RCBTB2: variants seen among roughly 807,000 people sequenced by gnomAD.
RCBTB2 encodes RCC1 and BTB domain containing protein 2, also known as RCC1 and BTB domain-containing protein 2.
In RCBTB2, 55 loss-of-function variants were observed where a neutral mutation model predicts 65.4. That is an observed-to-expected ratio of 0.84 (90% CI 0.68 to 1.05). The LOEUF is 1.05. RCBTB2 is among the 50% of genes least tolerant of loss of function. The probability of loss-of-function intolerance (pLI) is 0.00; values close to 1 mark genes in which losing one functional copy is unlikely to be tolerated. For synonymous variants in RCBTB2, 220 were observed against 255.2 expected, an observed-to-expected ratio of 0.86 and a Z score of 1.31; for missense variants, 599 against 680.1, an observed-to-expected ratio of 0.88 and a Z score of 1.33.
At chr13:48,503,651 C>T (rs1213810473) in intron 10 of RCBTB2, among the ~76,000 whole-genome samples, 2 of 152,094 alleles carry the variant, frequency 1.3e-5, no homozygotes, top group African/African-American at 2.4e-5. Context: ...CAGGCTCAAG[C>T]GATCCTCCTA....
intron 14 of RCBTB2, 95 bp downstream of exon 14, chr13:48,496,096 C>T (rs1949954108): frequency 8.4e-7 from 1 of 1,187,048 alleles, no homozygotes; most frequent in Non-Finnish European, 1.1e-6. Flanking sequence ...TTAAATATTT[C>T]CTCTACCCAG....
intron 13 of RCBTB2, among the ~76,000 whole-genome samples, chr13:48,499,127 C>A (rs1950109775): frequency 6.8e-6 from 1 of 147,522 alleles, no homozygotes; most frequent in Admixed American, 6.7e-5. Flanking sequence ...CACACACACA[C>A]ACACACACAC....
At chr13:48,514,718 G>C (rs1950989380) in intron 6 of RCBTB2, among the ~76,000 whole-genome samples, 1 of 152,108 alleles carries the variant, frequency 6.6e-6, no homozygotes, top group South Asian at 2.1e-4. Context: ...ACAACCTTTT[G>C]GGGAGAAGTT....
chr13:48,493,525 G>C (rs535077994), intron 14 of RCBTB2, among the ~76,000 whole-genome samples: 1 of 151,856 alleles, frequency 6.6e-6, no homozygotes, highest in South Asian at 2.1e-4. Flanking sequence ...TGCAGGCCCT[G>C]CCTCCTCCCA....
intron 14 of RCBTB2, among the ~76,000 whole-genome samples, chr13:48,495,466 A>T (rs1949928105): frequency 6.6e-6 from 1 of 152,220 alleles, no homozygotes; most frequent in Non-Finnish European, 1.5e-5. Flanking sequence ...CATTTTATAA[A>T]CAAGCCTCCA....
At chr13:48,499,951 G>A (rs970912292) in intron 12 of RCBTB2, among the ~76,000 whole-genome samples, 191 bp from the exon 13 acceptor site, 1 of 152,180 alleles carries the variant, frequency 6.6e-6, no homozygotes, top group Non-Finnish European at 1.5e-5. Context: ...TGCTGCCAGG[G>A]GTGGCCTGGG....
intron 1 of RCBTB2, among the ~76,000 whole-genome samples, chr13:48,529,806 C>A (rs1029308777): frequency 2.0e-5 from 3 of 152,152 alleles, no homozygotes; most frequent in Non-Finnish European, 2.9e-5. Flanking sequence ...TAGTCTTTAA[C>A]AAGAGTCCTT....
intron 10 of RCBTB2, chr13:48,504,437 C>T: frequency 1.7e-6 from 1 of 575,000 alleles, no homozygotes; most frequent in Non-Finnish European, 2.2e-6. Context: ...TGACTTCATA[C>T]ATGGTTGTTC....
intron 2 of RCBTB2, among the ~76,000 whole-genome samples, chr13:48,524,228 G>A (rs1951583206): frequency 6.6e-6 from 1 of 152,024 alleles, no homozygotes; most frequent in Admixed American, 6.5e-5. Flanking sequence ...TGTTATCCAT[G>A]TGATTTCACC....
At chr13:48,505,069 G>A (rs1239229505) in intron 10 of RCBTB2, among the ~76,000 whole-genome samples, 1 of 137,246 alleles carries the variant, frequency 7.3e-6, no homozygotes, top group African/African-American at 2.7e-5. Flanking sequence ...TTTTTTTCTT[G>A]CAGCTCCAGC....
intron 10 of RCBTB2, among the ~76,000 whole-genome samples, chr13:48,506,647 G>A (rs1950520571): frequency 6.6e-6 from 1 of 152,198 alleles, no homozygotes; most frequent in Admixed American, 6.5e-5. Context: ...ACACATAGCT[G>A]AGCAATTAAT....
At position 48,489,861 on chromosome 13, in the gene RCBTB2, G is replaced by C. The variant is rs192693021; in HGVS notation, c.*250C>G. 6.1e-6 allele frequency: 3 copies of C among 491,988 alleles called. No individual in the cohort carries two copies. Among genetic ancestry groups the C allele is most frequent in the African/African-American group, 5.8e-5 (3 of 51,340 alleles). 30.5% of individuals were successfully genotyped at this position (491,988 alleles called of 1,614,324 possible). Reference sequence around the variant, plus strand: ...TCCAATTTAAGTGACTCAAAAAGAGGAAATGGTAAATAAGATATTTCAATT... The same window carrying C: ...TCCAATTTAAGTGACTCAAAAAGAGCAAATGGTAAATAAGATATTTCAATT... On this transcript the variant is annotated 3_prime_UTR_variant, in exon 15 of 15. Coordinates refer to ENST00000344532, the MANE Select transcript of RCBTB2 (RefSeq NM_001268.4).
intron 4 of RCBTB2, among the ~76,000 whole-genome samples, chr13:48,520,800 A>T (rs1052810985): frequency 2.0e-5 from 3 of 152,172 alleles, no homozygotes; most frequent in African/African-American, 7.2e-5. Flanking sequence ...AATACAGTAT[A>T]TTTAAAGAGA....
At chr13:48,515,870 C>T (rs932333343) in intron 4 of RCBTB2, 129 bp from the exon 5 acceptor site, 9 of 917,690 alleles carry the variant, frequency 9.8e-6, no homozygotes, top group African/African-American at 1.7e-5. Context: ...TGAGAGGCCT[C>T]TCGCAGCTGC....
chr13:48,526,587 A>C, intron 1 of RCBTB2, among the ~76,000 whole-genome samples: 1 of 152,158 alleles, frequency 6.6e-6, no homozygotes, highest in East Asian at 1.9e-4. Context: ...ACTGCACATT[A>C]GCCTAAGCAA....
At chr13:48,510,964 C>G (rs1451517492) in intron 9 of RCBTB2, among the ~76,000 whole-genome samples, 193 bp from the exon 10 acceptor site, 2 of 152,212 alleles carry the variant, frequency 1.3e-5, no homozygotes, top group East Asian at 1.9e-4. Flanking sequence ...CATGAGTACC[C>G]TGGCGTGAGC....
At chr13:48,515,421 A>G in intron 5 of RCBTB2, 66 bp from the exon 6 acceptor site, 1 of 1,500,098 alleles carries the variant, frequency 6.7e-7, no homozygotes, top group Non-Finnish European at 9.1e-7. Flanking sequence ...TTACATCCAA[A>G]CAGGAATCAT....
Position 48,501,817 on chromosome 13 carries a change from T to C in RCBTB2, c.1169A>G (p.Asn390Ser). 1 of 1,613,818 alleles carries C rather than the reference T, an allele frequency of 6.2e-7. No homozygotes were observed. The highest frequency in any genetic ancestry group is 1.7e-5 in the Admixed American group (1 of 60,012). The change falls in exon 12 of 15, where the codon AAC becomes AGC. Residue 390 changes from asparagine to serine, a missense_variant. Coordinates refer to ENST00000344532, the MANE Select transcript of RCBTB2 (RefSeq NM_001268.4). ...AAACTTCAGGTCTGCAGTGTCCGGG[T>C]TGTCAAATTCCCTCTTCAGTGACTC... The part of the protein sequence containing the change: ...VAESLKREFD[N>S]PDTADLKFLV...
At chr13:48,526,157 T>C (rs1000894299) in intron 1 of RCBTB2, among the ~76,000 whole-genome samples, 5 of 152,200 alleles carry the variant, frequency 3.3e-5, no homozygotes, top group African/African-American at 4.8e-5. Context: ...CATTCTAATT[T>C]TGCCTTTACC....
Sources: gnomAD v4.1 joint callset for allele counts (sites outside exome capture counted in the v4.1 genomes callset) on GRCh38, gnomAD v4.1.1 for gene constraint, MANE v1.5 for transcripts, NCBI Gene and HGNC (gene_info 2026-07-23, HGNC 2026-07-21) for gene names.